Variants in EIPR1 observed in about 807,000 individuals in gnomAD.
The protein encoded by EIPR1 is EARP and GARP complex-interacting protein 1.
Under a neutral mutation model 48.1 loss-of-function variants are expected in EIPR1, and 25 were observed. That is an observed-to-expected ratio of 0.52 (90% CI 0.38 to 0.73). The LOEUF (loss-of-function observed/expected upper bound fraction) is 0.73. Among genes scored for constraint, EIPR1 ranks in the 30% least tolerant of loss-of-function variants. The probability of loss-of-function intolerance (pLI) is 0.00; values close to 1 mark genes in which losing one functional copy is unlikely to be tolerated. For missense variants in EIPR1, 415 were observed against 506.2 expected, an observed-to-expected ratio of 0.82 and a Z score of 1.73; for synonymous variants, 204 against 201.9, an observed-to-expected ratio of 1.01 and a Z score of -0.09.
At chr2:3,193,490 A>G (rs1664683648) in intron 7 of EIPR1, among the ~76,000 whole-genome samples, 1 of 152,248 alleles carries the variant, frequency 6.6e-6, no homozygotes, top group South Asian at 2.1e-4. Context: ...CCATTGTACA[A>G]CTTGATCTTT....
At chr2:3,328,570 C>T (rs534242590) in intron 3 of EIPR1, among the ~76,000 whole-genome samples, 1 of 150,108 alleles carries the variant, frequency 6.7e-6, no homozygotes, top group South Asian at 2.1e-4. Context: ...GCCTGGGCTC[C>T]CCTGGATCAG....
At position 3,194,068 on chromosome 2, in the gene EIPR1, C is replaced by T; in HGVS notation, c.752G>A (p.Cys251Tyr). 6.2e-7 allele frequency: 1 copy of T among 1,613,952 alleles called. No individual in the cohort carries two copies. The highest frequency in any genetic ancestry group is 8.5e-7 in the Non-Finnish European group (1 of 1,180,026). ...QYYLASCGDD[C>Y]KVKFWDTRNV... ...TCGGGTGTCCCAGAACTTCACCTTACAGTCGTCTCCGCAGCTGGCCAAGTA... is the reference window on the plus strand; with the variant it reads ...TCGGGTGTCCCAGAACTTCACCTTATAGTCGTCTCCGCAGCTGGCCAAGTA... The change falls in exon 7 of 9, where the codon TGT becomes TAT. Residue 251 changes from cysteine (C) to tyrosine (Y), a missense_variant. By Grantham distance (194) the Cys-to-Tyr change is radical. Coordinates refer to ENST00000382125, the MANE Select transcript of EIPR1 (RefSeq NM_003310.5).
intron 2 of EIPR1, among the ~76,000 whole-genome samples, chr2:3,343,107 G>C (rs930413812): frequency 6.6e-6 from 1 of 152,224 alleles, no homozygotes; most frequent in African/African-American, 2.4e-5. Context: ...GGCTCCTCCA[G>C]TTAGACACGG....
chr2:3,242,585 C>T (rs1007357380), intron 4 of EIPR1, among the ~76,000 whole-genome samples: 5 of 151,078 alleles, frequency 3.3e-5, no homozygotes, highest in African/African-American at 1.2e-4. Flanking sequence ...CAGCAGCCAT[C>T]GACGGCTGGA....
At chr2:3,292,717 A>G (rs1482144326) in intron 3 of EIPR1, among the ~76,000 whole-genome samples, 1 of 152,190 alleles carries the variant, frequency 6.6e-6, no homozygotes, top group Non-Finnish European at 1.5e-5. Flanking sequence ...CACCACCAAA[A>G]AGCTCTCATC....
intron 3 of EIPR1, among the ~76,000 whole-genome samples, chr2:3,336,660 C>T (rs1449650388): frequency 2.0e-5 from 3 of 151,888 alleles, no homozygotes; most frequent in African/African-American, 4.8e-5. Flanking sequence ...CCCAGCTACT[C>T]GGGAGGCTGA....
chr2:3,296,728 C>T (rs1266180670), intron 3 of EIPR1, among the ~76,000 whole-genome samples: 2 of 149,552 alleles, frequency 1.3e-5, no homozygotes, highest in Non-Finnish European at 3.0e-5. Flanking sequence ...ATCCTCCCTA[C>T]ACACACACAC....
intron 6 of EIPR1, among the ~76,000 whole-genome samples, chr2:3,195,831 C>A (rs375377945): frequency 1.3e-5 from 2 of 152,194 alleles, no homozygotes; most frequent in Non-Finnish European, 2.9e-5. Flanking sequence ...TGCGCTGGCA[C>A]GTCCTCACCA....
rs1185071233 is a variant in EIPR1, at chr2:3,312,118, C to T, written c.259+25899G>A. 6.6e-6 allele frequency among the ~76,000 whole-genome samples: 1 copy of T among 152,158 alleles called. No individual in the cohort carries two copies. The highest frequency in any genetic ancestry group is 1.5e-5 in the Non-Finnish European group (1 of 68,030). ...CCCCTCTGTCTGATAACTGAAGTGC[C>T]TGAAGATGAGTCTCGGGACGCTCCC... On this transcript the variant is annotated intron_variant, in intron 3 of 8. Coordinates refer to ENST00000382125, the MANE Select transcript of EIPR1 (RefSeq NM_003310.5). This position sits in a 1 kb window ranked among gnomAD's most constrained non-coding sequence, Gnocchi z 5.5.
intron 5 of EIPR1, among the ~76,000 whole-genome samples, chr2:3,204,173 C>T (rs1201067525): frequency 3.3e-5 from 5 of 152,180 alleles, no homozygotes; most frequent in Non-Finnish European, 7.4e-5. Context: ...TGTGGCCCCC[C>T]TTACTGCACA....
chr2:3,332,965 A>C (rs1374304165), intron 3 of EIPR1, among the ~76,000 whole-genome samples: 1 of 152,190 alleles, frequency 6.6e-6, no homozygotes, highest in Non-Finnish European at 1.5e-5. Flanking sequence ...AAAATGTTTG[A>C]CTTTTTAAGA....
intron 3 of EIPR1, chr2:3,301,562 T>C (rs1668763043): frequency 6.6e-6 from 1 of 152,194 alleles, no homozygotes; most frequent in Non-Finnish European, 1.5e-5. Flanking sequence ...CATTATTGAG[T>C]AATTAGTTCT....
intron 1 of EIPR1, among the ~76,000 whole-genome samples, chr2:3,360,572 T>C (rs1670828546): frequency 6.6e-6 from 1 of 152,134 alleles, no homozygotes; most frequent in Non-Finnish European, 1.5e-5. Context: ...TTACAACTAC[T>C]TAGAGTAGGT....
intron 3 of EIPR1, among the ~76,000 whole-genome samples, chr2:3,276,674 C>T (rs1343003521): frequency 1.3e-5 from 2 of 152,242 alleles, no homozygotes; most frequent in African/African-American, 4.8e-5. Flanking sequence ...TATGGCTGCT[C>T]TTCCGCATCC....
intron 3 of EIPR1, among the ~76,000 whole-genome samples, chr2:3,287,798 C>G: frequency 6.8e-6 from 1 of 147,904 alleles, no homozygotes; most frequent in East Asian, 2.0e-4. Context: ...GCTCATTCAC[C>G]ATGCTCTAGA....
intron 4 of EIPR1, among the ~76,000 whole-genome samples, chr2:3,218,653 C>G (rs917772063): frequency 3.3e-5 from 5 of 149,476 alleles, no homozygotes; most frequent in Non-Finnish European, 7.4e-5. Context: ...CCCACCATGG[C>G]CCTGATACAC....
At chr2:3,353,285 T>G in intron 2 of EIPR1, 1 of 471,176 alleles carries the variant, frequency 2.1e-6, no homozygotes, top group Non-Finnish European at 4.4e-6. Flanking sequence ...TTGGCTCAAT[T>G]TTTAGTCCTT....
intron 5 of EIPR1, among the ~76,000 whole-genome samples, chr2:3,206,233 A>G (rs1417956213): frequency 1.3e-5 from 2 of 152,146 alleles, no homozygotes; most frequent in African/African-American, 2.4e-5. Flanking sequence ...CTGTTTCCAG[A>G]TGGCAGGAGC....
intron 3 of EIPR1, among the ~76,000 whole-genome samples, chr2:3,292,478 TCA>T (rs1668399935): frequency 6.6e-6 from 1 of 152,114 alleles, no homozygotes; most frequent in Non-Finnish European, 1.5e-5. Context: ...CCCCCGTACC[TCA>T]CAGACAGCCG....
Sources: allele counts gnomAD v4.1 joint callset (sites outside exome capture counted in the v4.1 genomes callset), GRCh38; gene constraint gnomAD v4.1.1; non-coding constraint Gnocchi (gnomAD v3.1); transcripts MANE v1.5; gene names NCBI Gene and HGNC (gene_info 2026-07-23, HGNC 2026-07-21).